The following DLGAP1 variants were observed in gnomAD, a reference collection of about 807,000 sequenced individuals.
The protein encoded by DLGAP1 is DLG associated protein 1, also known as disks large-associated protein 1.
Under a neutral mutation model 90.8 loss-of-function variants are expected in DLGAP1, and 11 were observed. The ratio of observed to expected loss-of-function variants is 0.12; its 90% CI spans 0.08 to 0.20. DLGAP1 has a LOEUF of 0.20. Among genes scored for constraint, DLGAP1 ranks in the 10% least tolerant of loss-of-function variants. The pLI, the probability that DLGAP1 is intolerant of heterozygous loss-of-function variation, is 1.00. For synonymous variants in DLGAP1, 558 were observed against 540.7 expected (o/e 1.03, Z -0.44); for missense variants, 1,050 against 1,333.8 (o/e 0.79, Z 3.31).
intron 1 of DLGAP1, among the ~76,000 whole-genome samples, chr18:4,302,921 A>C (rs1341117888): frequency 6.6e-6 from 1 of 151,848 alleles, no homozygotes; most frequent in African/African-American, 2.4e-5. Flanking sequence ...TCCAGTGTTT[A>C]TTTCTTTTAT....
At chr18:4,325,998 A>G (rs1219169157) in intron 1 of DLGAP1, among the ~76,000 whole-genome samples, 2 of 152,136 alleles carry the variant, frequency 1.3e-5, no homozygotes, top group Non-Finnish European at 2.9e-5. Flanking sequence ...CAACAAAAAC[A>G]AAAATTGATA....
intron 3 of DLGAP1, among the ~76,000 whole-genome samples, chr18:3,910,542 C>T (rs2072009282): frequency 6.6e-6 from 1 of 152,112 alleles, no homozygotes; most frequent in African/African-American, 2.4e-5. Flanking sequence ...AAAACAGAAA[C>T]ATTTGGGTAG....
intron 7 of DLGAP1, among the ~76,000 whole-genome samples, chr18:3,649,754 AG>A (rs2059230533): frequency 1.3e-5 from 2 of 152,030 alleles, no homozygotes; most frequent in African/African-American, 2.4e-5. Flanking sequence ...GTTGGAAAAG[AG>A]GAGGAGGGAG....
intron 2 of DLGAP1, among the ~76,000 whole-genome samples, chr18:4,123,370 T>C (rs1008422495): frequency 6.6e-6 from 1 of 151,710 alleles, no homozygotes; most frequent in African/African-American, 2.4e-5. Flanking sequence ...CAATATACAC[T>C]CTCAGGGCCA....
intron 1 of DLGAP1, among the ~76,000 whole-genome samples, chr18:4,203,077 C>T (rs934705470): frequency 1.3e-5 from 2 of 151,984 alleles, no homozygotes; most frequent in Non-Finnish European, 2.9e-5. Flanking sequence ...GAGTTCGAGA[C>T]CAGCCTGGCC....
rs2049900323 is a variant in DLGAP1 at position 3,501,000 on chromosome 18, A to C, written c.2724+1493T>G. 2.6e-5 allele frequency among the ~76,000 whole-genome samples: 4 copies of C among 152,046 alleles called. No homozygotes were observed. In the South Asian group the frequency reaches 8.3e-4, roughly 32 times the overall value. ...GCAACCACGGCTCACTGCAGACTCA[A>C]ACTCTCCGAGTTCAAGCAATCCTCC... is the stretch of plus-strand genomic sequence containing the variant. On this transcript the variant is annotated intron_variant, in intron 12 of 12. Transcript: ENST00000315677.
intron 9 of DLGAP1, among the ~76,000 whole-genome samples, chr18:3,550,729 AG>A (rs2053343301): frequency 7.4e-6 from 1 of 135,104 alleles, no homozygotes; most frequent in Non-Finnish European, 1.5e-5. Flanking sequence ...ATCCAGAACC[AG>A]ACCCTTTTTT....
intron 3 of DLGAP1, among the ~76,000 whole-genome samples, chr18:3,986,989 C>T (rs974537028): frequency 1.5e-4 from 23 of 152,190 alleles, no homozygotes; most frequent in Non-Finnish European, 2.9e-4. Context: ...TACGCAGAGC[C>T]ATTTTGATTG....
At chr18:4,077,229 G>A (rs950644405) in intron 2 of DLGAP1, among the ~76,000 whole-genome samples, 3 of 152,130 alleles carry the variant, frequency 2.0e-5, no homozygotes, top group African/African-American at 7.2e-5. Context: ...TTTTTTTGGT[G>A]ACACCAATTT....
chr18:4,299,281 G>A (rs2080066731), intron 1 of DLGAP1, among the ~76,000 whole-genome samples: 1 of 152,038 alleles, frequency 6.6e-6, no homozygotes. Flanking sequence ...AGCTCCATTT[G>A]ACAGTGCCCT....
chr18:3,731,650 C>G (rs1481098664), intron 6 of DLGAP1, among the ~76,000 whole-genome samples: 1 of 151,094 alleles, frequency 6.6e-6, no homozygotes, highest in East Asian at 2.0e-4. Flanking sequence ...CTCAAACCAT[C>G]CTCCCACCTC....
chr18:4,094,297 G>A (rs1000467823), intron 2 of DLGAP1, among the ~76,000 whole-genome samples: 1 of 152,034 alleles, frequency 6.6e-6, no homozygotes, highest in Non-Finnish European at 1.5e-5. Flanking sequence ...ACTTTTGGAA[G>A]CAATAAAAAT....
At chr18:3,708,416 C>T (rs1009848962) in intron 7 of DLGAP1, 1 of 456,596 alleles carries the variant, frequency 2.2e-6, no homozygotes, top group Admixed American at 2.3e-5. Flanking sequence ...GTGATCTTTA[C>T]CCATTTTGCC....
At chr18:3,595,858 T>C (rs2056546407) in intron 7 of DLGAP1, among the ~76,000 whole-genome samples, 1 of 152,260 alleles carries the variant, frequency 6.6e-6, no homozygotes, top group African/African-American at 2.4e-5. Context: ...AAGTGATTTC[T>C]ACTGCTGAGT....
intron 2 of DLGAP1, among the ~76,000 whole-genome samples, chr18:4,026,418 G>C (rs2074700072): frequency 6.6e-6 from 1 of 152,142 alleles, no homozygotes. Flanking sequence ...CAGTTTAGAA[G>C]GGGTTTTGCA....
At chr18:3,917,431 G>A (rs1382056208) in intron 3 of DLGAP1, among the ~76,000 whole-genome samples, 1 of 152,156 alleles carries the variant, frequency 6.6e-6, no homozygotes, top group Non-Finnish European at 1.5e-5. Context: ...AGTCCAAGGA[G>A]GCCAATATCC....
chr18:4,247,827 G>A (rs144067428), intron 1 of DLGAP1, among the ~76,000 whole-genome samples: 7 of 152,084 alleles, frequency 4.6e-5, no homozygotes, highest in African/African-American at 7.2e-5. Flanking sequence ...GGGATGTAAC[G>A]ATATTGCAGT....
chr18:4,334,637 A>G (rs1598924201), intron 1 of DLGAP1, among the ~76,000 whole-genome samples: 1 of 151,826 alleles, frequency 6.6e-6, no homozygotes, highest in East Asian at 1.9e-4. Context: ...TGAGGGATCA[A>G]CTGTACAGGA....
At chr18:4,353,480 T>G (rs2081441571) in intron 1 of DLGAP1, among the ~76,000 whole-genome samples, 1 of 152,160 alleles carries the variant, frequency 6.6e-6, no homozygotes, top group East Asian at 1.9e-4. Context: ...TCCGTGTGAT[T>G]GGCAGTTTTA....
Sources: gnomAD v4.1 joint callset for allele counts (sites outside exome capture counted in the v4.1 genomes callset) on GRCh38, gnomAD v4.1.1 for gene constraint, MANE v1.5 for transcripts, NCBI Gene and HGNC (gene_info 2026-07-23, HGNC 2026-07-21) for gene names.